AGBL4: variants seen among roughly 807,000 people sequenced by gnomAD.
AGBL4 encodes AGBL carboxypeptidase 4, also known as cytosolic carboxypeptidase 6.
Under a neutral mutation model 66.4 loss-of-function variants are expected in AGBL4, and 58 were observed. That is an observed-to-expected ratio of 0.87 (90% CI 0.71 to 1.09). The LOEUF (loss-of-function observed/expected upper bound fraction) is 1.09, where lower values mean the gene tolerates loss of function less well. AGBL4 is among the 50% of genes least tolerant of loss of function. AGBL4 has a pLI of 0.00. For synonymous variants in AGBL4, 234 were observed against 222.9 expected, an observed-to-expected ratio of 1.05 and a Z score of -0.44; for missense variants, 579 against 631.0, an observed-to-expected ratio of 0.92 and a Z score of 0.88.
At chr1:49,919,252 AAG>A (rs1433305088) in intron 1 of AGBL4, among the ~76,000 whole-genome samples, 1 of 152,202 alleles carries the variant, frequency 6.6e-6, no homozygotes, top group Non-Finnish European at 1.5e-5. Flanking sequence ...AGGCAGGAGA[AAG>A]AAATAAAGGG....
intron 5 of AGBL4, among the ~76,000 whole-genome samples, chr1:48,955,667 G>A (rs1477216097): frequency 6.6e-6 from 1 of 152,144 alleles, no homozygotes; most frequent in Non-Finnish European, 1.5e-5. Flanking sequence ...ACAGGCATGA[G>A]CCACTATGCC....
chr1:49,411,461 C>A (rs1442406154), intron 3 of AGBL4, among the ~76,000 whole-genome samples: 1 of 152,148 alleles, frequency 6.6e-6, no homozygotes. Context: ...CACCGGGAAA[C>A]AATACTTTGC....
intron 1 of AGBL4, among the ~76,000 whole-genome samples, chr1:49,984,350 T>TTACAGAAACTGCATCTGGGCAGTTTACA (rs1419384984): frequency 3.3e-5 from 5 of 152,352 alleles, no homozygotes; most frequent in African/African-American, 1.2e-4. Flanking sequence ...ACTGCATCTT[T>TTACAGAAACTGCATCTGGGCAGTTTACA]GAGAGCCTTC....
intron 3 of AGBL4, among the ~76,000 whole-genome samples, chr1:49,424,789 G>A (rs1198216100): frequency 6.6e-6 from 1 of 152,180 alleles, no homozygotes; most frequent in African/African-American, 2.4e-5. Flanking sequence ...TCACTGAGGA[G>A]AGTGATGGGG....
intron 3 of AGBL4, among the ~76,000 whole-genome samples, chr1:49,680,842 T>C (rs1356806139): frequency 6.6e-6 from 1 of 152,128 alleles, no homozygotes; most frequent in Non-Finnish European, 1.5e-5. Context: ...TTCAATAACA[T>C]GAATTTAGAT....
intron 6 of AGBL4, among the ~76,000 whole-genome samples, chr1:48,780,063 A>C (rs1170659849): frequency 6.6e-6 from 1 of 151,306 alleles, no homozygotes; most frequent in East Asian, 1.9e-4. Context: ...GCTCTGGTAT[A>C]CATGTGCAAA....
intron 3 of AGBL4, among the ~76,000 whole-genome samples, chr1:49,452,656 C>T (rs1646303505): frequency 6.6e-6 from 1 of 151,862 alleles, no homozygotes; most frequent in South Asian, 2.1e-4. Context: ...CTCTAATAGA[C>T]AGAATTAATT....
At chr1:49,451,633 G>T (rs1646279690) in intron 3 of AGBL4, among the ~76,000 whole-genome samples, 1 of 151,852 alleles carries the variant, frequency 6.6e-6, no homozygotes, top group African/African-American at 2.4e-5. Flanking sequence ...ACCCTGGTAG[G>T]AATAATTATT....
chr1:49,116,588 T>C (rs1645528258), intron 4 of AGBL4, among the ~76,000 whole-genome samples: 1 of 152,248 alleles, frequency 6.6e-6, no homozygotes, highest in Admixed American at 6.5e-5. Context: ...GCATGGTGTG[T>C]ATGTCCCACA....
intron 4 of AGBL4, among the ~76,000 whole-genome samples, chr1:49,216,125 C>T (rs762071731): frequency 6.6e-6 from 1 of 152,124 alleles, no homozygotes; most frequent in Non-Finnish European, 1.5e-5. Flanking sequence ...CTCATACTAA[C>T]AGTAAATTAC....
intron 3 of AGBL4, among the ~76,000 whole-genome samples, chr1:49,250,216 A>T (rs1048982309): frequency 6.6e-6 from 1 of 152,176 alleles, no homozygotes; most frequent in African/African-American, 2.4e-5. Flanking sequence ...GTAGAACAGA[A>T]TTATAATGTT....
intron 1 of AGBL4, among the ~76,000 whole-genome samples, chr1:49,937,595 G>C (rs1332093624): frequency 6.6e-6 from 1 of 152,116 alleles, no homozygotes; most frequent in South Asian, 2.1e-4. Flanking sequence ...TGGAAGTAAA[G>C]CACTCCTCAG....
chr1:48,764,371 C>A (rs564143935), intron 6 of AGBL4, among the ~76,000 whole-genome samples: 1 of 152,184 alleles, frequency 6.6e-6, no homozygotes, highest in African/African-American at 2.4e-5. Context: ...GTGTTAAAAA[C>A]TTGAGCAGAG....
chr1:48,722,756 C>T lies in AGBL4; in HGVS notation c.635-59515G>A, dbSNP rs528536246. On this transcript the variant is annotated intron_variant, in intron 6 of 13. Transcript: ENST00000371839. ...AATTCTATTGCTAAAGATGCTAATTCGAAGTCGGAGAGTAAGAGGTGACAT... is the reference window on the plus strand; with the variant it reads ...AATTCTATTGCTAAAGATGCTAATTTGAAGTCGGAGAGTAAGAGGTGACAT... 9.9e-5 allele frequency among the ~76,000 whole-genome samples: 15 copies of T among 152,236 alleles called. No homozygotes were observed. The South Asian group carries it at 2.9e-3, about 30-fold the overall frequency.
rs550977276 is a variant in AGBL4 at position 49,194,301 on chromosome 1, TAC to T, written c.377+51467_377+51468del. Among the ~76,000 whole-genome samples, 121 of 152,216 alleles carry T rather than the reference TAC, an allele frequency of 7.9e-4. 1 individual carries two copies. The highest frequency in any genetic ancestry group is 2.5e-3 in the African/African-American group (102 of 41,532). On this transcript the variant is annotated intron_variant, in intron 4 of 13. Transcript: ENST00000371839. ...GTCTTTTTTTTTACCATTTTTGATT[TAC>T]AGTCAGTTTTATTTGATATAAGAAG... is the stretch of plus-strand genomic sequence containing the variant.
At chr1:48,544,052 C>T (rs990083088) in intron 11 of AGBL4, among the ~76,000 whole-genome samples, 1 of 152,156 alleles carries the variant, frequency 6.6e-6, no homozygotes, top group Non-Finnish European at 1.5e-5. Context: ...CAGGCCAGTG[C>T]CTGATGGGAG....
At chr1:49,698,353 A>G (rs1398691445) in intron 2 of AGBL4, among the ~76,000 whole-genome samples, 1 of 152,168 alleles carries the variant, frequency 6.6e-6, no homozygotes, top group Admixed American at 6.6e-5. Flanking sequence ...TACACAATGT[A>G]TATGAATATT....
At chr1:49,260,069 A>G (rs1174710242) in intron 3 of AGBL4, among the ~76,000 whole-genome samples, 3 of 150,434 alleles carry the variant, frequency 2.0e-5, no homozygotes, top group Non-Finnish European at 4.5e-5. Flanking sequence ...TGGGTACATA[A>G]CAAAATGAAG....
At chr1:49,464,748 GA>G (rs79224286) in intron 3 of AGBL4, among the ~76,000 whole-genome samples, 1 of 150,640 alleles carries the variant, frequency 6.6e-6, no homozygotes. Flanking sequence ...GCCACGAATA[GA>G]AAAAAAAATC....
Sources: allele counts gnomAD v4.1 joint callset (sites outside exome capture counted in the v4.1 genomes callset), GRCh38; gene constraint gnomAD v4.1.1; transcripts MANE v1.5; gene names NCBI Gene and HGNC (gene_info 2026-07-23, HGNC 2026-07-21).